Variants in DEFB110 observed in about 807,000 individuals in gnomAD.
DEFB110 encodes the protein beta-defensin 110.
In DEFB110, 4 loss-of-function variants were observed where a neutral mutation model predicts 2.5. The ratio of observed to expected loss-of-function variants is 1.60; its 90% CI spans 0.79 to 3.66. The LOEUF (loss-of-function observed/expected upper bound fraction) is 3.66. DEFB110 is among the 30% of genes most tolerant of loss of function. The pLI, the probability that DEFB110 is intolerant of heterozygous loss-of-function variation, is 0.01. For missense variants in DEFB110, 94 were observed against 75.4 expected, an observed-to-expected ratio of 1.25 and a Z score of -0.91; for synonymous variants, 29 against 21.8, an observed-to-expected ratio of 1.33 and a Z score of -0.92.
downstream of DEFB110, among the ~76,000 whole-genome samples, chr6:50,018,101 C>A (rs1232045731): frequency 6.6e-6 from 1 of 151,802 alleles, no homozygotes; most frequent in Non-Finnish European, 1.5e-5. Flanking sequence ...AAATGGAAAA[C>A]AAATGGTACA....
intron 1 of DEFB110, 119 bp downstream of exon 1, chr6:50,021,762 A>G (rs1774421572): frequency 2.1e-6 from 2 of 950,232 alleles, no homozygotes; most frequent in Admixed American, 3.6e-5. Flanking sequence ...AAAATACCAC[A>G]TTACATTTTT....
At chr6:50,010,465 T>A (rs1034502602) in intron 1 of DEFB110, among the ~76,000 whole-genome samples, 1 of 151,412 alleles carries the variant, frequency 6.6e-6, no homozygotes, top group African/African-American at 2.4e-5. Context: ...CTTAATGAAG[T>A]TGGTAGAAAA....
exon 2 of DEFB110, chr6:50,009,222 C>T: frequency 6.2e-7 from 1 of 1,608,852 alleles, no homozygotes; most frequent in Non-Finnish European, 8.5e-7. Context: ...ATATTCCTCT[C>T]ACTTTTTCGC....
downstream of DEFB110, chr6:50,018,752 T>G: frequency 6.0e-6 from 7 of 1,168,192 alleles, no homozygotes; most frequent in Middle Eastern, 3.4e-4. Flanking sequence ...GGAACTTGCA[T>G]AAAATAAGTC....
At chr6:50,010,580 G>T (rs773521855) in intron 1 of DEFB110, among the ~76,000 whole-genome samples, 1 of 150,284 alleles carries the variant, frequency 6.7e-6, no homozygotes, top group Non-Finnish European at 1.5e-5. Flanking sequence ...TATATGACAT[G>T]TAAATATATA....
At chr6:50,016,457 A>G (rs913511406), downstream of DEFB110, among the ~76,000 whole-genome samples, 3 of 151,898 alleles carry the variant, frequency 2.0e-5, no homozygotes, top group Non-Finnish European at 4.4e-5. Flanking sequence ...GAATTAGTTT[A>G]ACATTATCTA....
chr6:50,012,529 C>T (rs948676270), intron 1 of DEFB110, among the ~76,000 whole-genome samples: 7 of 151,814 alleles, frequency 4.6e-5, no homozygotes, highest in Non-Finnish European at 8.8e-5. Flanking sequence ...TTTGCAGTTT[C>T]CTTAAGTGAA....
At chr6:50,021,840 A>G in intron 1 of DEFB110, 41 bp downstream of exon 1, 2 of 1,521,330 alleles carry the variant, frequency 1.3e-6, no homozygotes, top group Non-Finnish European at 1.8e-6. Flanking sequence ...ATGTCTTCTC[A>G]AATTTGTTAG....
intron 1 of DEFB110, among the ~76,000 whole-genome samples, chr6:50,019,576 G>A (rs1170096697): frequency 6.6e-6 from 1 of 151,908 alleles, no homozygotes; most frequent in Non-Finnish European, 1.5e-5. Context: ...GCTAGGCAAC[G>A]CTAGTGAATT....
chr6:50,013,541 A>T (rs1359539710), intron 1 of DEFB110, among the ~76,000 whole-genome samples: 6 of 151,588 alleles, frequency 4.0e-5, no homozygotes, highest in Non-Finnish European at 8.9e-5. Flanking sequence ...CATCTTTTCA[A>T]TTTTTTTTCT....
At chr6:50,016,234 T>C (rs1013939960), downstream of DEFB110, among the ~76,000 whole-genome samples, 2 of 151,824 alleles carry the variant, frequency 1.3e-5, no homozygotes, top group Non-Finnish European at 2.9e-5. Flanking sequence ...CGGTGATAAA[T>C]CTAATTTCAA....
chr6:50,010,011 A>G (rs909058763), intron 1 of DEFB110, among the ~76,000 whole-genome samples: 15 of 152,096 alleles, frequency 9.9e-5, no homozygotes, highest in Non-Finnish European at 2.9e-5. Flanking sequence ...TCCTAGTGAT[A>G]CAACTGTACT....
At chr6:50,009,387 C>A (rs951803224) in intron 1 of DEFB110, 19 of 1,055,174 alleles carry the variant, frequency 1.8e-5, no homozygotes, top group Non-Finnish European at 2.4e-5. Context: ...AAGTTGGAGA[C>A]AATGGAACGT....
intron 1 of DEFB110, among the ~76,000 whole-genome samples, chr6:50,010,641 TG>T (rs1306758386): frequency 6.6e-6 from 1 of 151,258 alleles, no homozygotes; most frequent in East Asian, 1.9e-4. Context: ...ATTTTTTTAG[TG>T]AATGGTAAAC....
intron 1 of DEFB110, among the ~76,000 whole-genome samples, chr6:50,011,798 A>G (rs1197441671): frequency 6.6e-6 from 1 of 152,062 alleles, no homozygotes; most frequent in Non-Finnish European, 1.5e-5. Context: ...TGTTGAAAGT[A>G]AAAAGAGTTA....
chr6:50,020,559 A>G (rs1774401492), intron 1 of DEFB110, among the ~76,000 whole-genome samples: 1 of 152,148 alleles, frequency 6.6e-6, no homozygotes, highest in Admixed American at 6.6e-5. Context: ...TGGTCTTCTC[A>G]AAGGCCAGGC....
At chr6:50,016,850 C>T (rs954523336), downstream of DEFB110, among the ~76,000 whole-genome samples, 2 of 151,744 alleles carry the variant, frequency 1.3e-5, no homozygotes, top group Non-Finnish European at 2.9e-5. Context: ...CAAGTAAAGG[C>T]CACCTTAGAA....
At chr6:50,010,969 A>C (rs1264602329) in intron 1 of DEFB110, among the ~76,000 whole-genome samples, 1 of 151,396 alleles carries the variant, frequency 6.6e-6, no homozygotes, top group African/African-American at 2.4e-5. Flanking sequence ...TATTTTAAAG[A>C]ATAAGAATGT....
At chr6:50,012,011 G>A (rs2113937500) in intron 1 of DEFB110, among the ~76,000 whole-genome samples, 1 of 152,044 alleles carries the variant, frequency 6.6e-6, no homozygotes, top group East Asian at 1.9e-4. Flanking sequence ...ATTAAATTGA[G>A]GTTTTATTGA....
Sources: allele counts gnomAD v4.1 joint callset (sites outside exome capture counted in the v4.1 genomes callset), GRCh38; gene constraint gnomAD v4.1.1; transcripts MANE v1.5; gene names NCBI Gene and HGNC (gene_info 2026-07-23, HGNC 2026-07-21).